TP63: variants seen among roughly 807,000 people sequenced by gnomAD.
TP63 encodes the protein tumor protein 63.
Under a neutral mutation model 82.8 loss-of-function variants are expected in TP63, and 17 were observed. That is an observed-to-expected ratio of 0.21 (90% CI 0.14 to 0.31). TP63 has a LOEUF of 0.31. Ranked by LOEUF, TP63 falls within the 10% of genes least tolerant of loss-of-function variation. TP63 has a pLI of 1.00. For missense variants in TP63, 648 were observed against 895.3 expected (o/e 0.72, Z 3.52); for synonymous variants, 330 against 321.7 (o/e 1.03, Z -0.28).
intron 9 of TP63, 122 bp from the exon 10 acceptor site, chr3:189,872,737 A>G: frequency 1.0e-5 from 15 of 1,431,784 alleles, no homozygotes; most frequent in Non-Finnish European, 1.4e-5. Flanking sequence ...TCATGTTACA[A>G]ATAAACGTTA....
chr3:189,694,206 G>A (rs903680271), intron 1 of TP63, among the ~76,000 whole-genome samples: 1 of 152,108 alleles, frequency 6.6e-6, no homozygotes, highest in Non-Finnish European at 1.5e-5. Context: ...ACAATTTACA[G>A]AAAATTTGGA....
intron 3 of TP63, among the ~76,000 whole-genome samples, chr3:189,753,545 A>G (rs1721976197): frequency 6.6e-6 from 1 of 151,866 alleles, no homozygotes; most frequent in Admixed American, 6.6e-5. Flanking sequence ...ATCATTTTTA[A>G]CCTACTTTTA....
At chr3:189,875,615 T>TATATATATATATACACAC (rs1560289432) in intron 10 of TP63, among the ~76,000 whole-genome samples, 2 of 110,410 alleles carry the variant, frequency 1.8e-5, no homozygotes, top group African/African-American at 3.9e-5. Context: ...TATATATATA[T>TATATATATATATACACAC]ATATATATAT....
intron 1 of TP63, among the ~76,000 whole-genome samples, chr3:189,674,393 A>T (rs568874778): frequency 6.6e-6 from 1 of 152,182 alleles, no homozygotes; most frequent in South Asian, 2.1e-4. Flanking sequence ...CCAGACAGGA[A>T]CTTTGGTCCT....
chr3:189,656,921 A>G (rs1330670640), intron 1 of TP63, among the ~76,000 whole-genome samples: 1 of 125,386 alleles, frequency 8.0e-6, no homozygotes, highest in African/African-American at 2.8e-5. Flanking sequence ...GGAAGCAACC[A>G]AGATGTTCTT....
intron 1 of TP63, among the ~76,000 whole-genome samples, chr3:189,722,397 G>A (rs560857374): frequency 3.1e-4 from 47 of 152,334 alleles, no homozygotes; most frequent in South Asian, 1.7e-3. Context: ...TAGTTCATCT[G>A]ATAACAAGGT....
At chr3:189,711,473 G>C (rs1718590306) in intron 1 of TP63, among the ~76,000 whole-genome samples, 1 of 152,158 alleles carries the variant, frequency 6.6e-6, no homozygotes, top group Non-Finnish European at 1.5e-5. Context: ...GTCCACTAGA[G>C]TTGTTAAAAA....
intron 4 of TP63, among the ~76,000 whole-genome samples, chr3:189,846,048 C>G (rs1344352286): frequency 6.6e-6 from 1 of 151,922 alleles, no homozygotes; most frequent in Non-Finnish European, 1.5e-5. Flanking sequence ...TACCAGTCTG[C>G]CAGCCAAAAG....
At chr3:189,675,399 G>A (rs1423250198) in intron 1 of TP63, among the ~76,000 whole-genome samples, 4 of 151,926 alleles carry the variant, frequency 2.6e-5, no homozygotes, top group Non-Finnish European at 5.9e-5. Flanking sequence ...ACTGTCTATA[G>A]GTCATTTTAA....
chr3:189,872,001 T>C (rs1181294444), intron 9 of TP63, among the ~76,000 whole-genome samples: 4 of 152,220 alleles, frequency 2.6e-5, no homozygotes, highest in Admixed American at 2.0e-4. Context: ...AGCCACCATG[T>C]CTGGCCCCTG....
intron 4 of TP63, among the ~76,000 whole-genome samples, chr3:189,852,558 C>T (rs1715779821): frequency 6.6e-6 from 1 of 152,080 alleles, no homozygotes; most frequent in African/African-American, 2.4e-5. Flanking sequence ...AAAGAGTTTC[C>T]CCCATCATTT....
chr3:189,872,762 T>C (rs1718587129), intron 9 of TP63, 97 bp from the exon 10 acceptor site: 3 of 1,544,284 alleles, frequency 1.9e-6, no homozygotes, highest in Non-Finnish European at 2.7e-6. Flanking sequence ...ATAAACAAAT[T>C]GCAATTACGG....
chr3:189,777,760 T>C (rs1274680019), intron 3 of TP63, among the ~76,000 whole-genome samples: 1 of 151,244 alleles, frequency 6.6e-6, no homozygotes, highest in Non-Finnish European at 1.5e-5. Flanking sequence ...AACATATTTT[T>C]TTTTTTTCTT....
At chr3:189,632,878 A>C (rs1729548206) in intron 1 of TP63, among the ~76,000 whole-genome samples, 1 of 152,196 alleles carries the variant, frequency 6.6e-6, no homozygotes, top group African/African-American at 2.4e-5. Flanking sequence ...TTCTAATCTC[A>C]AAATTATCTA....
intron 11 of TP63, among the ~76,000 whole-genome samples, chr3:189,888,876 C>G (rs377365618): frequency 1.9e-4 from 29 of 152,312 alleles, no homozygotes; most frequent in East Asian, 1.4e-3. Flanking sequence ...CTTTCATTCA[C>G]AGATTTGTGC....
intron 4 of TP63, among the ~76,000 whole-genome samples, chr3:189,813,611 T>G (rs546445735): frequency 6.6e-6 from 1 of 152,016 alleles, no homozygotes; most frequent in Non-Finnish European, 1.5e-5. Context: ...TTTTTTGCAT[T>G]GTTTTGTTTT....
At chr3:189,728,938 C>T (rs941686247) in intron 1 of TP63, among the ~76,000 whole-genome samples, 1 of 152,100 alleles carries the variant, frequency 6.6e-6, no homozygotes, top group Non-Finnish European at 1.5e-5. Flanking sequence ...ACCATATCAG[C>T]TAGCTAAACA....
chr3:189,745,475 G>A lies in TP63; in HGVS notation c.324+6701G>A, dbSNP rs796904543. On this transcript the variant is annotated intron_variant, in intron 3 of 13. Transcript: ENST00000264731. ...TGTAATCCCAGAACTTCGGGAGGCT[G>A]AGGCGGGCAGATCACAAGGTCAACA... Among the ~76,000 whole-genome samples, 3 of 152,088 alleles carry A rather than the reference G, an allele frequency of 2.0e-5. No individual in the cohort carries two copies. The South Asian group carries it at 6.2e-4, about 32-fold the overall frequency.
chr3:189,893,613 C>T (rs533606242), intron 13 of TP63, among the ~76,000 whole-genome samples: 30 of 152,312 alleles, frequency 2.0e-4, no homozygotes, highest in Middle Eastern at 6.8e-3. Context: ...AGTGCCGTTT[C>T]AGGTTCTGAG....
Sources: gnomAD v4.1 joint callset for allele counts (sites outside exome capture counted in the v4.1 genomes callset) on GRCh38, gnomAD v4.1.1 for gene constraint, MANE v1.5 for transcripts, NCBI Gene and HGNC (gene_info 2026-07-23, HGNC 2026-07-21) for gene names.